The following LRIT3 variants were observed in gnomAD, a reference collection of about 807,000 sequenced individuals.
LRIT3 encodes leucine-rich repeat, immunoglobulin-like domain and transmembrane domain-containing protein 3.
LRIT3 carries 14 observed loss-of-function variants against 22.6 expected under a neutral mutation model. The ratio of observed to expected loss-of-function variants is 0.62; its 90% CI spans 0.41 to 0.97. LRIT3 has a LOEUF of 0.97. Among genes scored for constraint, LRIT3 ranks in the 50% least tolerant of loss-of-function variants. The probability of loss-of-function intolerance (pLI) is 0.00; values close to 1 mark genes in which losing one functional copy is unlikely to be tolerated. For missense variants in LRIT3, 783 were observed against 803.0 expected, an observed-to-expected ratio of 0.98 and a Z score of 0.30; for synonymous variants, 306 against 304.5, an observed-to-expected ratio of 1.01 and a Z score of -0.05.
intron 1 of LRIT3, among the ~76,000 whole-genome samples, chr4:109,850,423 CTTTCTTTCTTTCTTTCTTTCT>C (rs1336354081): frequency 2.5e-3 from 15 of 6,122 alleles, no homozygotes; most frequent in Admixed American, 5.0e-3. Flanking sequence ...TCCTTCCTTC[CTTTCTTTCTTTCTTTCTTTCT>C]TTCTTTCTTT....
Position 109,850,409 on chromosome 4 carries a change from TCCTTCCTTC to T in LRIT3, c.117-1093_117-1085del, listed in dbSNP as rs1560588877. ...TTCCTTCCTTCCTTCCTTCCTTCCT[TCCTTCCTTC>T]CTTCCTTTCTTTCTTTCTTTCTTTC... On this transcript the variant is annotated intron_variant, in intron 1 of 3. Transcript: ENST00000594814. Among the ~76,000 whole-genome samples the T allele has an allele frequency of 7.8e-3, 73 of 9,346 alleles. 3 individuals are homozygous for T. Among genetic ancestry groups the T allele is most frequent in the African/African-American group, 0.012 (25 of 2,102 alleles). 6.1% of individuals were successfully genotyped at this position (9,346 alleles called of 152,430 possible). A position where few individuals can be genotyped will look rare whatever the true frequency, so the allele number is the denominator to read the frequency against.
At chr4:109,849,705 CG>C (rs1462107575) in intron 1 of LRIT3, among the ~76,000 whole-genome samples, 2 of 152,170 alleles carry the variant, frequency 1.3e-5, no homozygotes, top group Non-Finnish European at 2.9e-5. Context: ...CTCCATCTCC[CG>C]GGCTCAAGCA....
At position 109,869,822 on chromosome 4, in the gene LRIT3, C is replaced by T. The variant is rs1175352567; in HGVS notation, c.1073C>T (p.Ser358Phe). 1.2e-6 allele frequency: 2 copies of T among 1,613,876 alleles called. No individual in the cohort carries two copies. Among genetic ancestry groups the T allele is most frequent in the Admixed American group, 1.7e-5 (1 of 60,000 alleles). Residue 358 changes from serine (S) to phenylalanine (F), a missense_variant, in exon 4 of 4, where the codon TCT becomes TTT. By Grantham distance (155) the Ser-to-Phe change is radical. Coordinates refer to ENST00000594814, the MANE Select transcript of LRIT3 (RefSeq NM_198506.5). ...ACAACTCCAATACCACCAGACACTT[C>T]TGAAAGAACTGGAGATCATCCTGAG... ...ITTTPIPPDT[S>F]ERTGDHPEWD...
At chr4:109,855,094 T>C (rs565837567) in intron 2 of LRIT3, among the ~76,000 whole-genome samples, 1 of 151,820 alleles carries the variant, frequency 6.6e-6, no homozygotes, top group Non-Finnish European at 1.5e-5. Context: ...ATAAAATGAA[T>C]TCCTGTTTTT....
chr4:109,869,722 G>A lies in LRIT3; in HGVS notation c.973G>A (p.Asp325Asn). The A allele has an allele frequency of 6.2e-7, 1 of 1,611,526 alleles. No homozygotes were observed. The highest frequency in any genetic ancestry group is 8.5e-7 in the Non-Finnish European group (1 of 1,178,414). Residue 325 changes from aspartate to asparagine, a missense_variant, in exon 4 of 4, where the codon GAT (aspartate) becomes AAT (asparagine). Asp to Asn is a conservative substitution (Grantham distance 23). This residue lies in a region of LRIT3 where 756 missense variants were observed against 753.8 expected (regional missense o/e 1.00). Coordinates refer to ENST00000594814, the MANE Select transcript of LRIT3 (RefSeq NM_198506.5). ...LTGISSKDAG[D>N]YKCKAKNLAG... is the part of the protein sequence containing the mutation. ...AGGCATTTCTTCCAAAGACGCTGGGGATTACAAATGTAAGGCCAAAAATCT... is the reference window on the plus strand; with the variant it reads ...AGGCATTTCTTCCAAAGACGCTGGGAATTACAAATGTAAGGCCAAAAATCT...
Position 109,870,859 on chromosome 4 carries a change from A to G in LRIT3, c.*70A>G. 1.4e-6 allele frequency: 2 copies of G among 1,474,922 alleles called. No individual in the cohort carries two copies. Among genetic ancestry groups the G allele is most frequent in the Non-Finnish European group, 1.8e-6 (2 of 1,102,872 alleles). 91.4% of individuals were successfully genotyped at this position (1,474,922 alleles called of 1,614,324 possible). A position where few individuals can be genotyped will look rare whatever the true frequency, so the allele number is the denominator to read the frequency against. ...AGGGTATAATTGACCCTAGGTTTGG[A>G]TGACTTTTGGACAGACTTTCACATT... is the stretch of plus-strand genomic sequence containing the variant. On this transcript the variant is annotated 3_prime_UTR_variant, in exon 4 of 4. Transcript: ENST00000594814.
intron 2 of LRIT3, 138 bp from the exon 3 acceptor site, chr4:109,867,503 T>C: frequency 1.4e-6 from 1 of 723,206 alleles, no homozygotes; most frequent in East Asian, 2.7e-5. Flanking sequence ...AAAACTGACA[T>C]AAAGGTGACT....
Position 109,870,994 on chromosome 4 carries a change from T to G in LRIT3, c.*205T>G. 4.5e-6 allele frequency: 2 copies of G among 441,486 alleles called. No individual in the cohort carries two copies. The highest frequency in any genetic ancestry group is 7.7e-6 in the Non-Finnish European group (2 of 259,356). The allele number at this position is 441,486 out of a possible 1,614,324, so 27.3% of individuals were successfully genotyped here. A position where few individuals can be genotyped will look rare whatever the true frequency, so the allele number is the denominator to read the frequency against. ...GATTTTTTTTCTTGTGTGGAAAAGGTCTACAGAAATAATTTTTAGAGTGGT... is the reference window on the plus strand; with the variant it reads ...GATTTTTTTTCTTGTGTGGAAAAGGGCTACAGAAATAATTTTTAGAGTGGT... On this transcript the variant is annotated 3_prime_UTR_variant, in exon 4 of 4. Transcript: ENST00000594814.
Position 109,870,248 on chromosome 4 carries a change from T to A in LRIT3, c.1499T>A (p.Val500Glu), listed in dbSNP as rs1459617370. 6.2e-7 allele frequency: 1 copy of A among 1,614,046 alleles called. No homozygotes were observed. The highest frequency in any genetic ancestry group is 1.3e-5 in the African/African-American group (1 of 74,910). Residue 500 changes from valine (V) to glutamate (E), a missense_variant, in exon 4 of 4, where the codon GTG becomes GAG. Around this residue, in one of 2 missense-constraint regions of LRIT3, gnomAD observed 756 missense variants for 753.8 expected, o/e 1.00. Coordinates refer to ENST00000594814, the MANE Select transcript of LRIT3 (RefSeq NM_198506.5). ...GTGGTCAGTGAGACTAAAGAGAGTG[T>A]GACATTGACGTGGAATATGATCAAC... ...LRVVSETKES[V>E]TLTWNMINTT...
intron 2 of LRIT3, 58 bp downstream of exon 2, chr4:109,852,034 T>C: frequency 1.4e-6 from 2 of 1,416,738 alleles, no homozygotes; most frequent in Non-Finnish European, 1.9e-6. Context: ...GCATAGCTTT[T>C]TTTGTCCAGT....
chr4:109,872,187 C>T lies in LRIT3; in HGVS notation c.*1398C>T, dbSNP rs1310651173. On this transcript the variant is annotated 3_prime_UTR_variant, in exon 4 of 4. Transcript: ENST00000594814. ...GGAAAGATCTCCCAAACTCTGAGAACGGTCCTCAAATAGAAGCTCTCCTAG... is the reference window on the plus strand; with the variant it reads ...GGAAAGATCTCCCAAACTCTGAGAATGGTCCTCAAATAGAAGCTCTCCTAG... 1 of 152,232 alleles carries T rather than the reference C, an allele frequency of 6.6e-6. No individual in the cohort carries two copies. The highest frequency in any genetic ancestry group is 1.9e-4 in the East Asian group (1 of 5,202). 9.4% of individuals were successfully genotyped at this position (152,232 alleles called of 1,614,324 possible).
chr4:109,870,530 T>C lies in LRIT3; in HGVS notation c.1781T>C (p.Val594Ala), dbSNP rs1450137583. 1 of 1,614,116 alleles carries C rather than the reference T, an allele frequency of 6.2e-7. No individual in the cohort carries two copies. The highest frequency in any genetic ancestry group is 1.3e-5 in the African/African-American group (1 of 74,948). ...LLVVTSTACV[V>A]ILPLICFLLY... ...GTGGTGACCAGTACTGCCTGTGTTGTTATCTTACCATTGATTTGTTTCTTG... is the reference window on the plus strand; with the variant it reads ...GTGGTGACCAGTACTGCCTGTGTTGCTATCTTACCATTGATTTGTTTCTTG... Residue 594 changes from valine (V) to alanine (A), a missense_variant, in exon 4 of 4, where the codon GTT becomes GCT. Around this residue, in one of 2 missense-constraint regions of LRIT3, gnomAD observed 756 missense variants for 753.8 expected, o/e 1.00. Transcript: ENST00000594814.
At chr4:109,856,259 T>G (rs996377376) in intron 2 of LRIT3, among the ~76,000 whole-genome samples, 9 of 152,158 alleles carry the variant, frequency 5.9e-5, no homozygotes, top group African/African-American at 2.2e-4. Flanking sequence ...TCCATAGCAA[T>G]AGTTTCAGGG....
intron 2 of LRIT3, among the ~76,000 whole-genome samples, chr4:109,858,705 A>T (rs1015592196): frequency 6.6e-6 from 1 of 152,212 alleles, no homozygotes; most frequent in East Asian, 1.9e-4. Flanking sequence ...TAATGTGAGC[A>T]ATGCCAAGTT....
chr4:109,851,410 G>C, intron 1 of LRIT3, 94 bp from the exon 2 acceptor site: 1 of 1,449,310 alleles, frequency 6.9e-7, no homozygotes, highest in East Asian at 2.5e-5. Flanking sequence ...CCACTGCCCA[G>C]CTGAAAATTG....
chr4:109,857,612 A>T (rs1419706493), intron 2 of LRIT3, among the ~76,000 whole-genome samples: 1 of 152,208 alleles, frequency 6.6e-6, no homozygotes, highest in Non-Finnish European at 1.5e-5. Context: ...TTTAAAGGAA[A>T]AAAGGAGTTA....
chr4:109,848,282 T>G lies in LRIT3; in HGVS notation c.81T>G (p.Cys27Trp). The part of the protein sequence containing the change: ...VGCLCPSQCT[C>W]DYHGRNDGSG... ...GTTTGTGTCCTTCACAGTGCACCTGTGATTATCACGGCAGAAATGACGGCT... is the reference window on the plus strand; with the variant it reads ...GTTTGTGTCCTTCACAGTGCACCTGGGATTATCACGGCAGAAATGACGGCT... The change falls in exon 1 of 4, where the codon TGT becomes TGG. Residue 27 changes from cysteine to tryptophan, a missense_variant. Cys to Trp is a radical substitution (Grantham distance 215). Around this residue, in one of 2 missense-constraint regions of LRIT3, gnomAD observed 27 missense variants for 49.2 expected, o/e 0.55. Transcript: ENST00000594814. 8.1e-7 allele frequency: 1 copy of G among 1,232,046 alleles called. No homozygotes were observed. Among genetic ancestry groups the G allele is most frequent in the Non-Finnish European group, 1.0e-6 (1 of 987,872 alleles). The allele number at this position is 1,232,046 out of a possible 1,614,324, so 76.3% of individuals were successfully genotyped here.
At position 109,869,716 on chromosome 4, in the gene LRIT3, G is replaced by T; in HGVS notation, c.967G>T (p.Ala323Ser). ...CTTGACAGGCATTTCTTCCAAAGACGCTGGGGATTACAAATGTAAGGCCAA... is the reference window on the plus strand; with the variant it reads ...CTTGACAGGCATTTCTTCCAAAGACTCTGGGGATTACAAATGTAAGGCCAA... Reference protein sequence around the residue: ...MSLTGISSKDAGDYKCKAKNL... With the variant: ...MSLTGISSKDSGDYKCKAKNL... The change falls in exon 4 of 4, where the codon GCT becomes TCT. Residue 323 changes from alanine (A) to serine (S), a missense_variant. Ala to Ser is a moderately conservative substitution (Grantham distance 99). Around this residue, in one of 2 missense-constraint regions of LRIT3, gnomAD observed 756 missense variants for 753.8 expected, o/e 1.00. Transcript: ENST00000594814. 7 of 1,609,540 alleles carry T rather than the reference G, an allele frequency of 4.3e-6. No homozygotes were observed. The highest frequency in any genetic ancestry group is 1.3e-5 in the African/African-American group (1 of 74,962).
chr4:109,855,348 C>T lies in LRIT3; in HGVS notation c.589+3372C>T, dbSNP rs985206022. On this transcript the variant is annotated intron_variant, in intron 2 of 3. Transcript: ENST00000594814. ...TGTGTAGAGGTGTTTATAGTATTCT[C>T]TGATGGTAGTTTGTATTTCTTTGGG... Among the ~76,000 whole-genome samples, 112 of 152,162 alleles carry T rather than the reference C, an allele frequency of 7.4e-4. 1 individual carries two copies. The highest frequency in any genetic ancestry group is 3.2e-3 in the Middle Eastern group (1 of 316).
Sources: gnomAD v4.1 joint callset for allele counts (sites outside exome capture counted in the v4.1 genomes callset) on GRCh38, gnomAD v4.1.1 for gene constraint, gnomAD v4.1.1 regional missense constraint, MANE v1.5 for transcripts, NCBI Gene and HGNC (gene_info 2026-07-23, HGNC 2026-07-21) for gene names.